Variants in C12orf43 observed in about 807,000 individuals in gnomAD.
C12orf43 encodes the protein protein CUSTOS.
A neutral mutation model predicts 20.6 loss-of-function variants in C12orf43; 15 were observed. That is an observed-to-expected ratio of 0.73 (90% CI 0.49 to 1.12). The LOEUF is 1.12. Ranked by LOEUF, C12orf43 falls within the 50% of genes most tolerant of loss-of-function variation. The probability of loss-of-function intolerance (pLI) is 0.00; values close to 1 mark genes in which losing one functional copy is unlikely to be tolerated. For synonymous variants in C12orf43, 144 were observed against 130.8 expected, an observed-to-expected ratio of 1.10 and a Z score of -0.69; for missense variants, 334 against 344.4, an observed-to-expected ratio of 0.97 and a Z score of 0.24.
chr12:121,011,246 C>A lies in C12orf43; in HGVS notation c.146-100G>T. The stretch of plus-strand genomic sequence containing the variant: ...TTTCAGCAGCTTAAAATACATATAA[C>A]TCATATATATACATACACATGTAAC... On this transcript the variant is annotated intron_variant, in intron 1 of 5. Coordinates refer to ENST00000288757, the MANE Select transcript of C12orf43 (RefSeq NM_022895.3). 3.4e-6 allele frequency: 3 copies of A among 891,416 alleles called. 1 individual carries two copies. The South Asian group carries it at 4.4e-5, about 13-fold the overall frequency. 55.2% of individuals were successfully genotyped at this position (891,416 alleles called of 1,614,324 possible). A position where few individuals can be genotyped will look rare whatever the true frequency, so the allele number is the denominator to read the frequency against.
At chr12:121,012,736 C>A in intron 1 of C12orf43, 1 of 299,944 alleles carries the variant, frequency 3.3e-6, no homozygotes, top group Non-Finnish European at 6.5e-6. Flanking sequence ...CCTGTAGTCC[C>A]AGCTACTTGA....
At chr12:121,015,496 A>C (rs1010322976) in intron 1 of C12orf43, among the ~76,000 whole-genome samples, 7 of 152,270 alleles carry the variant, frequency 4.6e-5, no homozygotes, top group African/African-American at 1.4e-4. Flanking sequence ...GATTACAAAG[A>C]AAACCAATGA....
At position 121,004,104 on chromosome 12, in the gene C12orf43, G is replaced by A. The variant is rs1428967618; in HGVS notation, c.*49C>T. ...GAAATGCCTTGTCCCCAGGGTGGGG[G>A]GGACACCTTGTCCTTGGAGCTGGCT... On this transcript the variant is annotated 3_prime_UTR_variant, in exon 6 of 6. Transcript: ENST00000288757. The surrounding 1 kb of genome is among the most constrained non-coding windows in gnomAD (Gnocchi z 5.6). 1.3e-6 allele frequency: 2 copies of A among 1,586,936 alleles called. No homozygotes were observed. The highest frequency in any genetic ancestry group is 1.7e-6 in the Non-Finnish European group (2 of 1,155,414).
intron 4 of C12orf43, 57 bp downstream of exon 4, chr12:121,006,264 C>T: frequency 6.8e-7 from 1 of 1,478,312 alleles, no homozygotes; most frequent in South Asian, 1.2e-5. Flanking sequence ...TCGCCCACCT[C>T]CAGACACACA....
In C12orf43 at chr12:121,004,429, G is replaced by A. The variant is rs754331698; in HGVS notation, c.513C>T (p.Ile171=). 1.2e-6 allele frequency: 2 copies of A among 1,613,334 alleles called. No homozygotes were observed. Among genetic ancestry groups the A allele is most frequent in the Admixed American group, 1.7e-5 (1 of 59,966 alleles). ...GGCTGTGGATGGCTGACTCCTGTAGGATGTCGGACGCCGACACAGCTGCCT... is the reference window on the plus strand; with the variant it reads ...GGCTGTGGATGGCTGACTCCTGTAGAATGTCGGACGCCGACACAGCTGCCT... ...CREAAVSASD[I]LQESAIHSPG... is the part of the protein sequence containing the mutation. Residue 171 remains isoleucine, a synonymous_variant, in exon 6 of 6, where the codon ATC becomes ATT. Transcript: ENST00000288757. This position sits in a 1 kb window ranked among gnomAD's most constrained non-coding sequence, Gnocchi z 5.6.
chr12:121,006,313 C>T lies in C12orf43; in HGVS notation c.361+8G>A. On this transcript the variant is annotated splice_region_variant and intron_variant, in intron 4 of 5. Transcript: ENST00000288757. ...AAATGATAGCTTCTATTAAGTATAACCACTCACCATCATCCTCCAAAGCGA... is the reference window on the plus strand; with the variant it reads ...AAATGATAGCTTCTATTAAGTATAATCACTCACCATCATCCTCCAAAGCGA... 6.2e-7 allele frequency: 1 copy of T among 1,610,746 alleles called. No individual in the cohort carries two copies. Among genetic ancestry groups the T allele is most frequent in the African/African-American group, 1.3e-5 (1 of 74,954 alleles).
rs980534481 is a variant in C12orf43 at position 121,002,874 on chromosome 12, TC to T, written c.*1278del. 1.9e-5 allele frequency: 3 copies of T among 157,774 alleles called. No homozygotes were observed. Among genetic ancestry groups the T allele is most frequent in the African/African-American group, 7.3e-5 (3 of 41,334 alleles). 9.8% of individuals were successfully genotyped at this position (157,774 alleles called of 1,614,324 possible). A position where few individuals can be genotyped will look rare whatever the true frequency, so the allele number is the denominator to read the frequency against. On this transcript the variant is annotated 3_prime_UTR_variant, in exon 6 of 6. Coordinates refer to ENST00000288757, the MANE Select transcript of C12orf43 (RefSeq NM_022895.3). ...TACCATGCCCAACTAATTTTTGTAT[TC>T]TTTTTTTTATAGAGACGAGGTTTCA...
chr12:121,016,279 A>G (rs1237794278), intron 1 of C12orf43, 51 bp downstream of exon 1: 1 of 1,610,572 alleles, frequency 6.2e-7, no homozygotes, highest in African/African-American at 1.3e-5. Flanking sequence ...CTCAGGCTCC[A>G]GGGGAAGATC....
Position 121,003,006 on chromosome 12 carries a change from T to G in C12orf43, c.*1147A>C, listed in dbSNP as rs1469180649. On this transcript the variant is annotated 3_prime_UTR_variant, in exon 6 of 6. Coordinates refer to ENST00000288757, the MANE Select transcript of C12orf43 (RefSeq NM_022895.3). ...TGAGCCACCATCCCTGGCCATGAGC[T>G]TCTACTTCTTTTCTTTTTCTTTTTC... 1 of 151,464 alleles carries G rather than the reference T, an allele frequency of 6.6e-6. No homozygotes were observed. Among genetic ancestry groups the G allele is most frequent in the Non-Finnish European group, 1.5e-5 (1 of 68,222 alleles). 9.4% of individuals were successfully genotyped at this position (151,464 alleles called of 1,614,324 possible).
At position 121,001,145 on chromosome 12, in the gene C12orf43, GTCA is replaced by G. The variant is rs1235697977; in HGVS notation, c.*3005_*3007del. 7.4e-6 allele frequency: 12 copies of G among 1,613,968 alleles called. No individual in the cohort carries two copies. The East Asian group carries it at 2.0e-4, about 27-fold the overall frequency. On this transcript the variant is annotated 3_prime_UTR_variant, in exon 6 of 6. Coordinates refer to ENST00000288757, the MANE Select transcript of C12orf43 (RefSeq NM_022895.3). Reference sequence around the variant, plus strand: ...CCACCTGCTGCCATCCAACCACAGCGTCATCGAGACCTTCATCTCCACCCAGAT... The same window carrying G: ...CCACCTGCTGCCATCCAACCACAGCGTCGAGACCTTCATCTCCACCCAGAT...
In C12orf43 at chr12:121,003,977, T is replaced by C; in HGVS notation, c.*176A>G. On this transcript the variant is annotated 3_prime_UTR_variant, in exon 6 of 6. Transcript: ENST00000288757. ...GGTCTTCTCACCCTACAGCCACTTTTTTGGCCCAACTCTCGAGCAAGCCTT... is the reference window on the plus strand; with the variant it reads ...GGTCTTCTCACCCTACAGCCACTTTCTTGGCCCAACTCTCGAGCAAGCCTT... 2 of 696,044 alleles carry C rather than the reference T, an allele frequency of 2.9e-6. No individual in the cohort carries two copies. Among genetic ancestry groups the C allele is most frequent in the South Asian group, 1.8e-5 (1 of 55,934 alleles). The allele number at this position is 696,044 out of a possible 1,614,324, so 43.1% of individuals were successfully genotyped here. A position where few individuals can be genotyped will look rare whatever the true frequency, so the allele number is the denominator to read the frequency against.
Position 121,002,003 on chromosome 12 carries a change from G to T in C12orf43, c.*2150C>A. The T allele has an allele frequency of 3.7e-6, 2 of 536,682 alleles. No homozygotes were observed. Among genetic ancestry groups the T allele is most frequent in the Non-Finnish European group, 7.2e-6 (2 of 276,690 alleles). The allele number at this position is 536,682 out of a possible 1,614,324, so 33.2% of individuals were successfully genotyped here. ...TGGGAAGTCGTCCTTACTCCTGTGGGAGCCTCGCAACCCGTGCCAAGTCCA... is the reference window on the plus strand; with the variant it reads ...TGGGAAGTCGTCCTTACTCCTGTGGTAGCCTCGCAACCCGTGCCAAGTCCA... On this transcript the variant is annotated 3_prime_UTR_variant, in exon 6 of 6. Transcript: ENST00000288757.
In C12orf43 at chr12:121,011,266, T is replaced by C. The variant is rs1878437751; in HGVS notation, c.146-120A>G. The C allele has an allele frequency of 4.6e-6, 3 of 650,526 alleles. No homozygotes were observed. In the Admixed American group the frequency reaches 8.3e-5, roughly 18 times the overall value. 40.3% of individuals were successfully genotyped at this position (650,526 alleles called of 1,614,324 possible). On this transcript the variant is annotated intron_variant, in intron 1 of 5. Coordinates refer to ENST00000288757, the MANE Select transcript of C12orf43 (RefSeq NM_022895.3). ...TATAACTCATATATATACATACACA[T>C]GTAACTCATATATATTATATTTATA... is the stretch of plus-strand genomic sequence containing the variant.
Position 121,002,275 on chromosome 12 carries a change from A to G in C12orf43, c.*1878T>C. The G allele has an allele frequency of 2.3e-6, 1 of 441,904 alleles. No homozygotes were observed. Among genetic ancestry groups the G allele is most frequent in the Non-Finnish European group, 4.3e-6 (1 of 232,566 alleles). The allele number at this position is 441,904 out of a possible 1,614,324, so 27.4% of individuals were successfully genotyped here. On this transcript the variant is annotated 3_prime_UTR_variant, in exon 6 of 6. Transcript: ENST00000288757. Reference sequence around the variant, plus strand: ...CTGAGGGCAGTTCGCAGCCACCCTGAGGAGTCTGAGGTCCTGAGCACTGCC... The same window carrying G: ...CTGAGGGCAGTTCGCAGCCACCCTGGGGAGTCTGAGGTCCTGAGCACTGCC...
chr12:121,007,715 C>T (rs925621624), intron 3 of C12orf43, among the ~76,000 whole-genome samples: 1 of 152,208 alleles, frequency 6.6e-6, no homozygotes, highest in Non-Finnish European at 1.5e-5. Flanking sequence ...TGCCACTGTG[C>T]ACAGCAGAGA....
At position 121,001,849 on chromosome 12, in the gene C12orf43, C is replaced by T. The variant is rs1260910366; in HGVS notation, c.*2304G>A. The stretch of plus-strand genomic sequence containing the variant: ...GGGAAGGCAGGCAGGGCTCTCCTGG[C>T]TTCCCATCCCCAGCGATTCCCTCTC... On this transcript the variant is annotated 3_prime_UTR_variant, in exon 6 of 6. Transcript: ENST00000288757. The T allele has an allele frequency of 4.6e-5, 24 of 526,484 alleles. 1 individual carries two copies. The highest frequency in any genetic ancestry group is 3.3e-4 in the South Asian group (21 of 63,820). 32.6% of individuals were successfully genotyped at this position (526,484 alleles called of 1,614,324 possible).
rs369953402 is a variant in C12orf43, at chr12:121,001,165, C to T, written c.*2988G>A. The T allele has an allele frequency of 3.4e-5, 55 of 1,614,116 alleles. No homozygotes were observed. Among genetic ancestry groups the T allele is most frequent in the South Asian group, 7.7e-5 (7 of 91,078 alleles). Reference sequence around the variant, plus strand: ...ACAGCGTCATCGAGACCTTCATCTCCACCCAGATGGCCTCTTCCTCCCAGT... The same window carrying T: ...ACAGCGTCATCGAGACCTTCATCTCTACCCAGATGGCCTCTTCCTCCCAGT... On this transcript the variant is annotated 3_prime_UTR_variant, in exon 6 of 6. Transcript: ENST00000288757.
chr12:121,009,084 T>C (rs1309417989), intron 3 of C12orf43, among the ~76,000 whole-genome samples: 1 of 152,192 alleles, frequency 6.6e-6, no homozygotes, highest in Non-Finnish European at 1.5e-5. Context: ...CCTCCTTTTT[T>C]CTAAAGCCAC....
chr12:121,016,082 CAGTGAGGAT>C (rs1236414440), intron 1 of C12orf43, among the ~76,000 whole-genome samples: 1 of 152,154 alleles, frequency 6.6e-6, no homozygotes, highest in Non-Finnish European at 1.5e-5. Context: ...CAGTGTGGGG[CAGTGAGGAT>C]AGACCCAAGG....
Sources: allele counts gnomAD v4.1 joint callset (sites outside exome capture counted in the v4.1 genomes callset), GRCh38; gene constraint gnomAD v4.1.1; non-coding constraint Gnocchi (gnomAD v3.1); transcripts MANE v1.5; gene names NCBI Gene and HGNC (gene_info 2026-07-23, HGNC 2026-07-21).